The following TMEM117 variants were observed in gnomAD, a reference collection of about 807,000 sequenced individuals.
TMEM117 encodes the protein transmembrane protein 117.
Under a neutral mutation model 52.4 loss-of-function variants are expected in TMEM117, and 27 were observed. The ratio of observed to expected loss-of-function variants is 0.51; its 90% confidence interval spans 0.38 to 0.71. The LOEUF (loss-of-function observed/expected upper bound fraction) is 0.71. Ranked by LOEUF, TMEM117 falls within the 30% of genes least tolerant of loss-of-function variation. The pLI, the probability that TMEM117 is intolerant of heterozygous loss-of-function variation, is 0.00. For missense variants in TMEM117, 556 were observed against 630.5 expected, an observed-to-expected ratio of 0.88 and a Z score of 1.26; for synonymous variants, 215 against 206.3, an observed-to-expected ratio of 1.04 and a Z score of -0.36.
At chr12:44,056,602 A>G (rs55834309) in intron 3 of TMEM117, among the ~76,000 whole-genome samples, 14,569 of 152,052 alleles carry the variant, frequency 0.096, 1,116 homozygotes, top group African/African-American at 0.21. Context: ...CAAGAACTTG[A>G]CTCTCTCTTT....
intron 2 of TMEM117, among the ~76,000 whole-genome samples, chr12:43,919,343 G>A (rs1215229374): frequency 6.6e-6 from 1 of 152,106 alleles, no homozygotes; most frequent in Non-Finnish European, 1.5e-5. Flanking sequence ...TCTCTGTTCT[G>A]TGCATTTGAC....
intron 2 of TMEM117, among the ~76,000 whole-genome samples, chr12:43,881,711 C>T (rs1249882767): frequency 1.4e-5 from 2 of 147,854 alleles, no homozygotes; most frequent in African/African-American, 2.5e-5. Flanking sequence ...ATCGCTTGAA[C>T]CCAGGAGGTG....
intron 4 of TMEM117, among the ~76,000 whole-genome samples, chr12:44,181,711 A>G (rs1277677821): frequency 2.0e-5 from 3 of 151,392 alleles, no homozygotes; most frequent in Non-Finnish European, 4.4e-5. Flanking sequence ...CCATTGATCT[A>G]TATCTCTGTT....
At chr12:44,298,888 G>T (rs1349983520) in intron 5 of TMEM117, among the ~76,000 whole-genome samples, 1 of 150,508 alleles carries the variant, frequency 6.6e-6, no homozygotes, top group Non-Finnish European at 1.5e-5. Flanking sequence ...TTTTGTAGAA[G>T]GATAATGGAA....
chr12:44,143,927 A>C (rs1406768153), intron 4 of TMEM117, among the ~76,000 whole-genome samples: 1 of 152,310 alleles, frequency 6.6e-6, no homozygotes, highest in East Asian at 1.9e-4. Flanking sequence ...TACAGTCATA[A>C]CATTAATAGA....
intron 2 of TMEM117, among the ~76,000 whole-genome samples, chr12:43,888,106 G>A (rs1309516693): frequency 6.6e-6 from 1 of 152,086 alleles, no homozygotes; most frequent in Non-Finnish European, 1.5e-5. Context: ...TCAGATGTTG[G>A]TTGTGCCACT....
intron 3 of TMEM117, among the ~76,000 whole-genome samples, chr12:44,027,725 AG>A (rs1457677590): frequency 6.6e-6 from 1 of 152,232 alleles, no homozygotes; most frequent in African/African-American, 2.4e-5. Context: ...TTTATATTCT[AG>A]GACTTTAGAA....
the TMEM117 span, chr12:43,795,812 G>A: frequency 1.9e-4 from 302 of 1,566,052 alleles, no homozygotes; most frequent in Non-Finnish European, 2.4e-4. Context: ...GCAACAAGCT[G>A]GTTTTCAGGT....
At chr12:44,363,917 T>A (rs960946896) in intron 6 of TMEM117, among the ~76,000 whole-genome samples, 1 of 152,168 alleles carries the variant, frequency 6.6e-6, no homozygotes, top group Non-Finnish European at 1.5e-5. Flanking sequence ...CATATATTTG[T>A]AAAATAATTT....
intron 2 of TMEM117, among the ~76,000 whole-genome samples, chr12:43,873,098 A>G (rs1451559168): frequency 6.6e-6 from 1 of 152,166 alleles, no homozygotes; most frequent in Non-Finnish European, 1.5e-5. Context: ...GAGGAGAGAC[A>G]GAGGATTTTG....
intron 2 of TMEM117, among the ~76,000 whole-genome samples, chr12:43,897,045 C>G (rs1944217121): frequency 6.6e-6 from 1 of 152,110 alleles, no homozygotes; most frequent in African/African-American, 2.4e-5. Context: ...CTTTTTCTTT[C>G]TCTGTGAGAT....
chr12:44,115,483 G>C (rs895793608), intron 3 of TMEM117, among the ~76,000 whole-genome samples: 3 of 151,720 alleles, frequency 2.0e-5, no homozygotes, highest in Non-Finnish European at 2.9e-5. Context: ...TGCCATTCCT[G>C]ATCAACTCTG....
At chr12:43,849,595 A>G (rs1943270198) in intron 2 of TMEM117, among the ~76,000 whole-genome samples, 1 of 152,124 alleles carries the variant, frequency 6.6e-6, no homozygotes, top group Non-Finnish European at 1.5e-5. Context: ...TTGAGTACAA[A>G]TTATTTTAAA....
At chr12:44,293,798 T>A (rs1026151998) in intron 5 of TMEM117, among the ~76,000 whole-genome samples, 1 of 152,184 alleles carries the variant, frequency 6.6e-6, no homozygotes, top group Non-Finnish European at 1.5e-5. Context: ...TTAATACTTT[T>A]GTTTCTTAAC....
At chr12:43,915,586 C>T (rs1453150916) in intron 2 of TMEM117, among the ~76,000 whole-genome samples, 1 of 152,136 alleles carries the variant, frequency 6.6e-6, no homozygotes, top group Non-Finnish European at 1.5e-5. Flanking sequence ...GGGTTTATTG[C>T]ACTTAGTCCC....
intron 3 of TMEM117, among the ~76,000 whole-genome samples, chr12:43,996,229 G>A (rs1946027722): frequency 6.6e-6 from 1 of 152,140 alleles, no homozygotes; most frequent in African/African-American, 2.4e-5. Context: ...TTTTCTTACA[G>A]TGATTTTGGT....
At chr12:43,976,985 C>G (rs961136351) in intron 3 of TMEM117, among the ~76,000 whole-genome samples, 3 of 152,178 alleles carry the variant, frequency 2.0e-5, no homozygotes, top group Admixed American at 1.3e-4. Flanking sequence ...AGGAACCCCC[C>G]ACTAGGGGTA....
At chr12:43,973,568 CA>C (rs1311409518) in intron 3 of TMEM117, among the ~76,000 whole-genome samples, 5 of 152,110 alleles carry the variant, frequency 3.3e-5, no homozygotes, top group Non-Finnish European at 7.4e-5. Context: ...TGCGAGTGTA[CA>C]AGGAATTTTC....
intron 3 of TMEM117, among the ~76,000 whole-genome samples, chr12:44,084,304 A>G (rs1038465728): frequency 6.6e-6 from 1 of 152,172 alleles, no homozygotes; most frequent in Non-Finnish European, 1.5e-5. Context: ...TCCAATATCC[A>G]TGGAACAAAA....
Sources: allele counts gnomAD v4.1 joint callset (sites outside exome capture counted in the v4.1 genomes callset), GRCh38; gene constraint gnomAD v4.1.1; transcripts MANE v1.5; gene names NCBI Gene and HGNC (gene_info 2026-07-23, HGNC 2026-07-21).